BOLA3: variants seen among roughly 807,000 people sequenced by gnomAD.
BOLA3 encodes the protein bolA-like protein 3.
BOLA3 carries 8 observed loss-of-function variants against 14.5 expected under a neutral mutation model. That is an observed-to-expected ratio of 0.55 (90% CI 0.32 to 0.99). The LOEUF is 0.99. Ranked by LOEUF, BOLA3 falls within the 50% of genes least tolerant of loss-of-function variation. The probability of loss-of-function intolerance (pLI) is 0.04; values close to 1 mark genes in which losing one functional copy is unlikely to be tolerated. For synonymous variants in BOLA3, 42 were observed against 45.7 expected (o/e 0.92, Z 0.33); for missense variants, 115 against 138.2 (o/e 0.83, Z 0.84).
chr2:74,136,992 A>G (rs1376104015), intron 3 of BOLA3, among the ~76,000 whole-genome samples: 1 of 152,230 alleles, frequency 6.6e-6, no homozygotes, highest in Non-Finnish European at 1.5e-5. Flanking sequence ...GCTCAAGTTT[A>G]TAATCAGTAC....
intron 2 of BOLA3, 127 bp from the exon 3 acceptor site, chr2:74,142,487 A>G (rs1692454418): frequency 1.3e-6 from 1 of 772,896 alleles, no homozygotes; most frequent in Non-Finnish European, 2.2e-6. Flanking sequence ...GAAAGTTGCT[A>G]AGACCATTAG....
intron 3 of BOLA3, among the ~76,000 whole-genome samples, chr2:74,139,523 A>T (rs1692398697): frequency 6.6e-6 from 1 of 151,844 alleles, no homozygotes; most frequent in African/African-American, 2.4e-5. Flanking sequence ...CCCATTCCCA[A>T]CAGCTGTCCT....
In BOLA3 at chr2:74,135,948, CTT is replaced by C. The variant is rs55654893; in HGVS notation, c.259-292_259-291del. ...GAACTGTTGTTAGTTTCTTGTGTAT[CTT>C]TTTTTTTTTTTTTTTTTAAGTCATG... On this transcript the variant is annotated intron_variant, in intron 3 of 3. Transcript: ENST00000327428. Among the ~76,000 whole-genome samples the C allele has an allele frequency of 2.7e-3, 359 of 134,626 alleles. 3 individuals are homozygous for C. Among genetic ancestry groups the C allele is most frequent in the Middle Eastern group, 7.9e-3 (2 of 254 alleles). 88.3% of individuals were successfully genotyped at this position (134,626 alleles called of 152,430 possible).
In BOLA3 at chr2:74,147,851, C is replaced by T; in HGVS notation, c.24G>A (p.Ala8=). Reference sequence around the variant, plus strand: ...GGATCCCGCGGAGGAGAGGCGCTGCCGCGGCCGGGCTCCATGCAGCCATGC... The same window carrying T: ...GGATCCCGCGGAGGAGAGGCGCTGCTGCGGCCGGGCTCCATGCAGCCATGC... MAAWSPA[A]AAPLLRGIRG... Residue 8 remains alanine, a synonymous_variant, in exon 1 of 4, where the codon GCG becomes GCA. Transcript: ENST00000327428. 1.3e-6 allele frequency: 2 copies of T among 1,525,170 alleles called. No individual in the cohort carries two copies. The highest frequency in any genetic ancestry group is 2.4e-5 in the South Asian group (2 of 83,026). The allele number at this position is 1,525,170 out of a possible 1,614,324, so 94.5% of individuals were successfully genotyped here.
chr2:74,137,030 TA>T (rs150610760), intron 3 of BOLA3, among the ~76,000 whole-genome samples: 2,483 of 152,318 alleles, frequency 0.016, 144 homozygotes, highest in East Asian at 0.14. Context: ...CCTTTTATAC[TA>T]GGCCAAAATC....
intron 3 of BOLA3, among the ~76,000 whole-genome samples, chr2:74,140,437 T>C (rs1692418357): frequency 6.6e-6 from 1 of 152,158 alleles, no homozygotes; most frequent in African/African-American, 2.4e-5. Flanking sequence ...CTGCAAACTC[T>C]CAAGAAATAC....
rs76400817 is a variant in BOLA3 at position 74,142,685 on chromosome 2, G to A, written c.170-325C>T. On this transcript the variant is annotated intron_variant, in intron 2 of 3. Coordinates refer to ENST00000327428, the MANE Select transcript of BOLA3 (RefSeq NM_212552.3). ...GTTTCCTTTCACTAGGCCAATAAAC[G>A]CCACGGAAGAGGATGAGAAGGACGG... is the stretch of plus-strand genomic sequence containing the variant. Among the ~76,000 whole-genome samples, 746 of 152,240 alleles carry A rather than the reference G, an allele frequency of 4.9e-3. 5 individuals carry two copies. Among genetic ancestry groups the A allele is most frequent in the African/African-American group, 0.017 (724 of 41,538 alleles).
chr2:74,139,782 A>AC (rs1692404325), intron 3 of BOLA3, among the ~76,000 whole-genome samples: 3 of 151,250 alleles, frequency 2.0e-5, no homozygotes, highest in Admixed American at 2.0e-4. Context: ...GAGCTGCATG[A>AC]CCCCCCCAAG....
chr2:74,144,634 A>T lies in BOLA3; in HGVS notation c.169+555T>A, dbSNP rs149219190. Among the ~76,000 whole-genome samples, 182 of 152,318 alleles carry T rather than the reference A, an allele frequency of 1.2e-3. 1 individual carries two copies. Among genetic ancestry groups the T allele is most frequent in the African/African-American group, 4.1e-3 (172 of 41,580 alleles). Reference sequence around the variant, plus strand: ...CCTGAACTTCTAGGTGCCAGTGGCCACCTGAGAAGGACAGCGCTTGGCTGG... The same window carrying T: ...CCTGAACTTCTAGGTGCCAGTGGCCTCCTGAGAAGGACAGCGCTTGGCTGG... On this transcript the variant is annotated intron_variant, in intron 2 of 3. Transcript: ENST00000327428.
chr2:74,146,480 T>G (rs1572945032), intron 1 of BOLA3: 1 of 152,204 alleles, frequency 6.6e-6, no homozygotes, highest in South Asian at 2.1e-4. Flanking sequence ...GGACTCCAGG[T>G]GATAGAACCC....
chr2:74,140,591 C>T (rs1692421169), intron 3 of BOLA3, among the ~76,000 whole-genome samples: 1 of 152,124 alleles, frequency 6.6e-6, no homozygotes, highest in Non-Finnish European at 1.5e-5. Context: ...GCACATGTTG[C>T]TATAGGGGGC....
chr2:74,142,651 G>A (rs977388902), intron 2 of BOLA3, among the ~76,000 whole-genome samples: 24 of 152,206 alleles, frequency 1.6e-4, no homozygotes, highest in Non-Finnish European at 3.4e-4. Flanking sequence ...AACCTAGGGA[G>A]TGTAGAGTGT....
At chr2:74,136,512 T>G (rs541621844) in intron 3 of BOLA3, among the ~76,000 whole-genome samples, 1 of 152,228 alleles carries the variant, frequency 6.6e-6, no homozygotes, top group African/African-American at 2.4e-5. Flanking sequence ...ATATTTTATG[T>G]GTGGCCCAAG....
intron 3 of BOLA3, among the ~76,000 whole-genome samples, chr2:74,138,024 C>T (rs780389494): frequency 2.0e-5 from 3 of 152,224 alleles, no homozygotes; most frequent in Non-Finnish European, 4.4e-5. Context: ...GAGGAACCTT[C>T]TGGGCTTCAC....
chr2:74,139,727 C>A (rs557223782), intron 3 of BOLA3, among the ~76,000 whole-genome samples: 2 of 152,210 alleles, frequency 1.3e-5, no homozygotes, highest in African/African-American at 2.4e-5. Context: ...TGTGGCCAGG[C>A]TCAGGGGACC....
chr2:74,147,865 A>T lies in BOLA3; in HGVS notation c.10T>A (p.Trp4Arg). MAAWSPAAAAPLLR... is the reference protein window; with the variant it reads MAARSPAAAAPLLR... ...AGAGGCGCTGCCGCGGCCGGGCTCC[A>T]TGCAGCCATGCCCGGCCGACGTGAC... The change falls in exon 1 of 4, where the codon TGG (tryptophan) becomes AGG (arginine). Residue 4 changes from tryptophan (W) to arginine (R), a missense_variant. Physicochemically the swap from Trp to Arg is moderately radical, Grantham distance 101. Transcript: ENST00000327428. 3 of 1,523,146 alleles carry T rather than the reference A, an allele frequency of 2.0e-6. No homozygotes were observed. The highest frequency in any genetic ancestry group is 2.6e-6 in the Non-Finnish European group (3 of 1,142,438). The allele number at this position is 1,523,146 out of a possible 1,614,324, so 94.4% of individuals were successfully genotyped here.
chr2:74,147,733 A>G, intron 1 of BOLA3, 88 bp downstream of exon 1: 1 of 1,365,952 alleles, frequency 7.3e-7, no homozygotes, highest in Non-Finnish European at 1.0e-6. Context: ...TCCGGGAGCC[A>G]GTCCTCAAGC....
chr2:74,135,592 G>T lies in BOLA3; in HGVS notation c.*1C>A. ...GCAGCATCTATGCAGCCAGGGCGTG[G>T]TCAGCGTTTGGGGACAGAGGTAAAT... On this transcript the variant is annotated 3_prime_UTR_variant, in exon 4 of 4. Transcript: ENST00000327428. 6.2e-7 allele frequency: 1 copy of T among 1,614,092 alleles called. No homozygotes were observed. The highest frequency in any genetic ancestry group is 8.5e-7 in the Non-Finnish European group (1 of 1,179,964).
intron 1 of BOLA3, 76 bp from the exon 2 acceptor site, chr2:74,145,379 G>A (rs981914238): frequency 6.0e-5 from 54 of 893,000 alleles, no homozygotes; most frequent in Non-Finnish European, 8.5e-5. Context: ...GTGCAGGCCC[G>A]CCTGCCATTC....
Sources: gnomAD v4.1 joint callset for allele counts (sites outside exome capture counted in the v4.1 genomes callset) on GRCh38, gnomAD v4.1.1 for gene constraint, MANE v1.5 for transcripts, NCBI Gene and HGNC (gene_info 2026-07-23, HGNC 2026-07-21) for gene names.